TRPM3: variants seen among roughly 807,000 people sequenced by gnomAD.
TRPM3 encodes the protein long transient receptor potential channel 3.
In TRPM3, 77 loss-of-function variants were observed where a neutral mutation model predicts 181.2. That is an observed-to-expected ratio of 0.42 (90% CI 0.35 to 0.51). The LOEUF is 0.51. TRPM3 is among the 20% of genes least tolerant of loss of function. The pLI, the probability that TRPM3 is intolerant of heterozygous loss-of-function variation, is 0.01. For synonymous variants in TRPM3, 745 were observed against 796.4 expected (o/e 0.94, Z 1.09); for missense variants, 1,759 against 2,196.7 (o/e 0.80, Z 3.98).
At chr9:70,909,034 T>C (rs1216453278) in intron 1 of TRPM3, among the ~76,000 whole-genome samples, 3 of 152,240 alleles carry the variant, frequency 2.0e-5, no homozygotes, top group Admixed American at 2.0e-4. Context: ...CTTTATTTCT[T>C]TGGAGTAGGC....
intron 1 of TRPM3, among the ~76,000 whole-genome samples, chr9:71,194,538 C>G (rs1587880082): frequency 6.6e-6 from 1 of 151,804 alleles, no homozygotes; most frequent in East Asian, 1.9e-4. Flanking sequence ...AAAAAGATGA[C>G]AGTAAAACTA....
At chr9:71,367,379 T>G (rs1270495602) in intron 1 of TRPM3, among the ~76,000 whole-genome samples, 1 of 152,174 alleles carries the variant, frequency 6.6e-6, no homozygotes, top group Non-Finnish European at 1.5e-5. Context: ...TCAGGAGAGC[T>G]CAATGAGTTC....
intron 1 of TRPM3, among the ~76,000 whole-genome samples, chr9:70,887,698 A>G (rs758261917): frequency 6.6e-6 from 1 of 152,166 alleles, no homozygotes. Context: ...TTTTCTTAGT[A>G]TCTGGGTATC....
At chr9:71,402,209 T>A (rs1413212348) in intron 1 of TRPM3, among the ~76,000 whole-genome samples, 1 of 152,216 alleles carries the variant, frequency 6.6e-6, no homozygotes, top group African/African-American at 2.4e-5. Flanking sequence ...AAATATCGAG[T>A]TCACTTGTAT....
At chr9:71,101,287 C>T (rs906385195) in intron 1 of TRPM3, among the ~76,000 whole-genome samples, 1 of 152,038 alleles carries the variant, frequency 6.6e-6, no homozygotes, top group African/African-American at 2.4e-5. Flanking sequence ...TCTTAAACAC[C>T]CACAATACCT....
chr9:71,396,695 C>T (rs1340644600), intron 1 of TRPM3, among the ~76,000 whole-genome samples: 1 of 151,304 alleles, frequency 6.6e-6, no homozygotes, highest in African/African-American at 2.4e-5. Flanking sequence ...GGCGTGGTGG[C>T]TCACACCTGT....
chr9:71,391,484 A>C (rs1337625523), intron 1 of TRPM3, among the ~76,000 whole-genome samples: 1 of 152,040 alleles, frequency 6.6e-6, no homozygotes, highest in Non-Finnish European at 1.5e-5. Flanking sequence ...GTATAGATTA[A>C]TGATATTTAT....
intron 22 of TRPM3, among the ~76,000 whole-genome samples, chr9:70,571,031 G>A (rs1290846199): frequency 1.3e-5 from 2 of 152,034 alleles, no homozygotes; most frequent in Admixed American, 6.6e-5. Context: ...GCCAGAAAAT[G>A]TCTCCCTGAT....
intron 1 of TRPM3, chr9:71,446,516 T>G: frequency 1.1e-6 from 1 of 885,242 alleles, no homozygotes; most frequent in South Asian, 1.9e-5. Context: ...CCCAGCACTC[T>G]ATTTCATTAG....
At chr9:71,215,265 A>G (rs2079793888) in intron 1 of TRPM3, among the ~76,000 whole-genome samples, 1 of 152,212 alleles carries the variant, frequency 6.6e-6, no homozygotes, top group South Asian at 2.1e-4. Flanking sequence ...GCGCTTATAT[A>G]TGGAGGAGAT....
At chr9:71,118,160 T>G (rs1048233712) in intron 1 of TRPM3, among the ~76,000 whole-genome samples, 6 of 152,212 alleles carry the variant, frequency 3.9e-5, no homozygotes, top group African/African-American at 1.4e-4. Context: ...TTTACCCATT[T>G]GAAAACAGGC....
chr9:71,268,234 G>A (rs1021628315), intron 1 of TRPM3, among the ~76,000 whole-genome samples: 7 of 151,848 alleles, frequency 4.6e-5, no homozygotes, highest in Admixed American at 1.3e-4. Context: ...ACAAAAGTTA[G>A]CCTGGCATGG....
intron 3 of TRPM3, among the ~76,000 whole-genome samples, chr9:70,858,485 C>T (rs6560163): frequency 0.35 from 52,689 of 151,816 alleles, 9,502 homozygotes; most frequent in African/African-American, 0.36. Context: ...CCCCTTTGCC[C>T]AGACAGAAGA....
At chr9:70,953,019 C>A (rs1244171628) in intron 1 of TRPM3, among the ~76,000 whole-genome samples, 2 of 152,146 alleles carry the variant, frequency 1.3e-5, no homozygotes, top group Non-Finnish European at 2.9e-5. Flanking sequence ...GCACTTCTAC[C>A]TTTCTGGTTA....
chr9:71,412,013 A>G (rs899995132), intron 1 of TRPM3, among the ~76,000 whole-genome samples: 2 of 152,214 alleles, frequency 1.3e-5, no homozygotes, highest in African/African-American at 4.8e-5. Context: ...TTACCTATTC[A>G]ATAAAAGGTG....
At chr9:70,595,852 C>A (rs988138421) in intron 21 of TRPM3, among the ~76,000 whole-genome samples, 12 of 152,120 alleles carry the variant, frequency 7.9e-5, no homozygotes, top group Middle Eastern at 3.4e-3. Flanking sequence ...TTTTCCTAGT[C>A]AAAAAATCCC....
intron 22 of TRPM3, among the ~76,000 whole-genome samples, chr9:70,568,671 A>G (rs117122910): frequency 6.2e-4 from 95 of 152,356 alleles, no homozygotes; most frequent in Admixed American, 2.8e-3. Flanking sequence ...TTGCACAATG[A>G]CACACAGCTA....
chr9:71,095,507 C>A (rs1414913566), intron 1 of TRPM3, among the ~76,000 whole-genome samples: 11 of 151,898 alleles, frequency 7.2e-5, no homozygotes, highest in Admixed American at 7.2e-4. Context: ...GCCTGTAATC[C>A]CAGCACTTTG....
At chr9:71,049,946 T>C (rs1362059047) in intron 1 of TRPM3, among the ~76,000 whole-genome samples, 1 of 152,174 alleles carries the variant, frequency 6.6e-6, no homozygotes, top group East Asian at 1.9e-4. Flanking sequence ...TCAACAATAA[T>C]GTATTGTACA....
Sources: gnomAD v4.1 joint callset for allele counts (sites outside exome capture counted in the v4.1 genomes callset) on GRCh38, gnomAD v4.1.1 for gene constraint, MANE v1.5 for transcripts, NCBI Gene and HGNC (gene_info 2026-07-23, HGNC 2026-07-21) for gene names.